ECHDC3: variants seen among roughly 807,000 people sequenced by gnomAD.
ECHDC3 encodes the protein enoyl-CoA hydratase domain containing 3.
A neutral mutation model predicts 17.9 loss-of-function variants in ECHDC3; 20 were observed. The ratio of observed to expected loss-of-function variants is 1.12; its 90% CI spans 0.79 to 1.63. ECHDC3 has a LOEUF of 1.63. ECHDC3 is among the 40% of genes most tolerant of loss of function. ECHDC3 has a pLI of 0.00. For missense variants in ECHDC3, 407 were observed against 357.7 expected, an observed-to-expected ratio of 1.14 and a Z score of -1.11; for synonymous variants, 177 against 149.7, an observed-to-expected ratio of 1.18 and a Z score of -1.33.
chr10:11,758,613 A>C (rs1832911205), intron 4 of ECHDC3, among the ~76,000 whole-genome samples: 1 of 152,136 alleles, frequency 6.6e-6, no homozygotes, highest in Admixed American at 6.5e-5. Flanking sequence ...TTGGGAGTGA[A>C]GTTTTAGAGG....
rs757667403 is a variant in ECHDC3 at position 11,747,384 on chromosome 10, CGTT to C, written c.209_211del (p.Leu70del). 157 of 1,614,006 alleles carry C rather than the reference CGTT, an allele frequency of 9.7e-5. No individual in the cohort carries two copies. The highest frequency in any genetic ancestry group is 1.1e-5 in the Non-Finnish European group (13 of 1,179,944). ...TTGAGCAATCCCAAGAAGAGGAACG[CGTT>C]GTCACTTGCAATGCTGAAGTCTCTC... On this transcript the variant is annotated inframe_deletion, in exon 2 of 5. Coordinates refer to ENST00000379215, the MANE Select transcript of ECHDC3 (RefSeq NM_024693.5).
chr10:11,761,134 T>C (rs1365019406), intron 4 of ECHDC3, among the ~76,000 whole-genome samples: 1 of 152,236 alleles, frequency 6.6e-6, no homozygotes, highest in East Asian at 1.9e-4. Context: ...TGGGCCAGGC[T>C]TCTGGTCTCT....
intron 2 of ECHDC3, among the ~76,000 whole-genome samples, chr10:11,748,520 G>A (rs1403701301): frequency 1.3e-5 from 2 of 151,992 alleles, no homozygotes; most frequent in Non-Finnish European, 2.9e-5. Flanking sequence ...CAGAGACAGG[G>A]GTCTCACTAT....
chr10:11,755,251 G>T (rs567020496), intron 3 of ECHDC3, 157 bp from the exon 4 acceptor site: 5 of 622,716 alleles, frequency 8.0e-6, no homozygotes, highest in African/African-American at 7.4e-5. Flanking sequence ...GCTTGAACTC[G>T]GGAGGAAGAG....
intron 1 of ECHDC3, 179 bp downstream of exon 1, chr10:11,742,925 G>C (rs1832712938): frequency 1.5e-6 from 1 of 652,100 alleles, no homozygotes; most frequent in Non-Finnish European, 2.2e-6. Context: ...TAGGGCCGTC[G>C]GTGGGACTGC....
intron 1 of ECHDC3, among the ~76,000 whole-genome samples, chr10:11,746,107 C>T (rs975803808): frequency 3.3e-5 from 5 of 152,166 alleles, no homozygotes; most frequent in Admixed American, 3.3e-4. Flanking sequence ...GCGGGTGTAT[C>T]ACCTGTGGTC....
At chr10:11,753,612 T>C (rs1036943484) in intron 3 of ECHDC3, among the ~76,000 whole-genome samples, 1 of 152,132 alleles carries the variant, frequency 6.6e-6, no homozygotes, top group Non-Finnish European at 1.5e-5. Context: ...AGCAAGACTT[T>C]AGAAGTTCTT....
intron 1 of ECHDC3, among the ~76,000 whole-genome samples, chr10:11,745,820 T>A (rs1832752757): frequency 6.6e-6 from 1 of 152,178 alleles, no homozygotes; most frequent in African/African-American, 2.4e-5. Context: ...AATAAGACAT[T>A]TCTGTGTATA....
chr10:11,755,578 G>C lies in ECHDC3; in HGVS notation c.561G>C (p.Gly187=), dbSNP rs567959521. The change falls in exon 4 of 5, where the codon GGG becomes GGC. Residue 187 remains glycine, a synonymous_variant. Coordinates refer to ENST00000379215, the MANE Select transcript of ECHDC3 (RefSeq NM_024693.5). ...VNVGLFCSTP[G]VALARAVPRK... ...TCGGGCTCTTCTGTTCTACCCCTGG[G>C]GTTGCCTTGGCAAGAGCAGTGCCTA... The C allele has an allele frequency of 3.1e-6, 5 of 1,613,760 alleles. No individual in the cohort carries two copies. The African/African-American group carries it at 4.0e-5, about 13-fold the overall frequency.
chr10:11,748,017 TATG>T (rs1201554222), intron 2 of ECHDC3, among the ~76,000 whole-genome samples: 3 of 152,210 alleles, frequency 2.0e-5, no homozygotes, highest in Non-Finnish European at 4.4e-5. Context: ...CACAAAAAAA[TATG>T]ATGATGATGC....
chr10:11,763,424 G>T lies in ECHDC3; in HGVS notation c.792G>T (p.Gly264=). ...ACAAGCAGCTGCCCCAGGACCTGGG[G>T]ACGGCTTACTACCTCACCTCCCAGG... ...TFYKQLPQDL[G]TAYYLTSQAM... The change falls in exon 5 of 5, where the codon GGG becomes GGT. Residue 264 remains glycine, a synonymous_variant. Transcript: ENST00000379215. The surrounding 1 kb of genome is among the most constrained non-coding windows in gnomAD (Gnocchi z 4.9). 1.2e-6 allele frequency: 1 copy of T among 807,840 alleles called. No individual in the cohort carries two copies. Among genetic ancestry groups the T allele is most frequent in the Non-Finnish European group, 2.2e-6 (1 of 451,190 alleles). The allele number at this position is 807,840 out of a possible 1,614,324, so 50.0% of individuals were successfully genotyped here.
At chr10:11,752,104 T>C (rs1190267420) in intron 3 of ECHDC3, 4 of 152,040 alleles carry the variant, frequency 2.6e-5, no homozygotes, top group Non-Finnish European at 4.4e-5. Context: ...TAACTTTATA[T>C]TTTAAATAGT....
intron 1 of ECHDC3, among the ~76,000 whole-genome samples, chr10:11,744,776 G>A (rs1832742658): frequency 6.6e-6 from 1 of 152,172 alleles, no homozygotes; most frequent in Non-Finnish European, 1.5e-5. Context: ...AGGCAATTGA[G>A]TGGCACTGCT....
rs187680961 is a variant in ECHDC3 at position 11,744,031 on chromosome 10, C to T, written c.170+1285C>T. Among the ~76,000 whole-genome samples the T allele has an allele frequency of 1.8e-3, 273 of 152,338 alleles. 3 individuals carry two copies. The highest frequency in any genetic ancestry group is 6.5e-3 in the African/African-American group (270 of 41,588). The stretch of plus-strand genomic sequence containing the variant: ...AGGTGAACTTGAGCAAGAACTTGAG[C>T]GACCCACCACTCTTCAAGTGTCCCT... On this transcript the variant is annotated intron_variant, in intron 1 of 4. Transcript: ENST00000379215.
At chr10:11,751,830 T>C (rs1436370184) in intron 3 of ECHDC3, among the ~76,000 whole-genome samples, 1 of 152,192 alleles carries the variant, frequency 6.6e-6, no homozygotes, top group Non-Finnish European at 1.5e-5. Context: ...GAGAAGATTC[T>C]GCACTTTGCT....
At chr10:11,756,883 G>A (rs1832891167) in intron 4 of ECHDC3, among the ~76,000 whole-genome samples, 1 of 151,924 alleles carries the variant, frequency 6.6e-6, no homozygotes, top group Non-Finnish European at 1.5e-5. Context: ...TTACAGGCAC[G>A]TGCCACCATA....
chr10:11,746,285 G>A (rs1487489035), intron 1 of ECHDC3, among the ~76,000 whole-genome samples: 1 of 141,666 alleles, frequency 7.1e-6, no homozygotes. Context: ...CTGAGATCAT[G>A]CCAATGCACT....
chr10:11,754,576 G>A (rs1160480381), intron 3 of ECHDC3, among the ~76,000 whole-genome samples: 1 of 152,142 alleles, frequency 6.6e-6, no homozygotes, highest in Non-Finnish European at 1.5e-5. Context: ...AATTGGAGAA[G>A]TAATTATTAA....
intron 1 of ECHDC3, among the ~76,000 whole-genome samples, chr10:11,745,268 G>A (rs1251867038): frequency 6.6e-6 from 1 of 152,126 alleles, no homozygotes; most frequent in Non-Finnish European, 1.5e-5. Flanking sequence ...ATTCCGCGGC[G>A]CACAATGGCC....
Sources: gnomAD v4.1 joint callset for allele counts (sites outside exome capture counted in the v4.1 genomes callset) on GRCh38, gnomAD v4.1.1 for gene constraint, Gnocchi (gnomAD v3.1) non-coding constraint, MANE v1.5 for transcripts, NCBI Gene and HGNC (gene_info 2026-07-23, HGNC 2026-07-21) for gene names.